The following MYO1H variants were observed in gnomAD, a reference collection of about 807,000 sequenced individuals.
MYO1H encodes unconventional myosin-Ih.
Under a neutral mutation model 149.3 loss-of-function variants are expected in MYO1H, and 118 were observed. The ratio of observed to expected loss-of-function variants is 0.79; its 90% CI spans 0.68 to 0.92. MYO1H has a LOEUF of 0.92. Ranked by LOEUF, MYO1H falls within the 40% of genes least tolerant of loss-of-function variation. The pLI is 0.00. For missense variants in MYO1H, 1,212 were observed against 1,280.7 expected (o/e 0.95, Z 0.82); for synonymous variants, 447 against 465.2 (o/e 0.96, Z 0.50).
At chr12:109,329,011 TAAAATC>T in the MYO1H span, among the ~76,000 whole-genome samples, 3 of 150,616 alleles carry the variant, frequency 2.0e-5, no homozygotes, top group African/African-American at 7.3e-5. Context: ...CCCAGTAAAA[TAAAATC>T]AGTTTTCTTT....
At chr12:109,310,903 A>G in the MYO1H span, among the ~76,000 whole-genome samples, 1 of 152,204 alleles carries the variant, frequency 6.6e-6, no homozygotes, top group Non-Finnish European at 1.5e-5. Context: ...ACCAGCATGT[A>G]TTTAAAATGT....
At chr12:109,356,262 T>C (rs1227000534) in intron 1 of MYO1H, among the ~76,000 whole-genome samples, 1 of 152,238 alleles carries the variant, frequency 6.6e-6, no homozygotes, top group African/African-American at 2.4e-5. Flanking sequence ...CCATTGTCAA[T>C]ATCCAATTTC....
At chr12:109,320,860 C>T in the MYO1H span, among the ~76,000 whole-genome samples, 3 of 151,880 alleles carry the variant, frequency 2.0e-5, no homozygotes, top group Non-Finnish European at 2.9e-5. Context: ...GAGGCCGAGG[C>T]GGGTGGATCA....
At chr12:109,355,551 T>C (rs1868571675) in intron 1 of MYO1H, among the ~76,000 whole-genome samples, 1 of 152,130 alleles carries the variant, frequency 6.6e-6, no homozygotes, top group African/African-American at 2.4e-5. Context: ...GCATGCAGCT[T>C]CCTGAGCCCT....
intron 6 of MYO1H, among the ~76,000 whole-genome samples, chr12:109,402,917 G>A (rs1272662421): frequency 3.3e-5 from 5 of 152,110 alleles, no homozygotes; most frequent in Non-Finnish European, 7.4e-5. Context: ...CTTTATTCCT[G>A]TAGATTTTTT....
At chr12:109,447,187 G>T (rs1168463903) in exon 32 of MYO1H, 1 of 1,595,974 alleles carries the variant, frequency 6.3e-7, no homozygotes, top group East Asian at 2.3e-5. Flanking sequence ...TCCTGATAGA[G>T]GATGACGTCT....
chr12:109,394,937 A>T (rs1365819585), intron 3 of MYO1H, among the ~76,000 whole-genome samples: 1 of 151,918 alleles, frequency 6.6e-6, no homozygotes. Flanking sequence ...AATTTTTGTA[A>T]TTTTTATAGA....
chr12:109,352,265 TGATTTGAAATTC>T (rs1868476990), intron 1 of MYO1H, among the ~76,000 whole-genome samples: 1 of 152,146 alleles, frequency 6.6e-6, no homozygotes, highest in East Asian at 1.9e-4. Flanking sequence ...AAAATGACAA[TGATTTGAAATTC>T]TGCCAGCCCT....
chr12:109,439,436 A>G (rs1054343512), intron 23 of MYO1H, 195 bp from the exon 24 acceptor site: 3 of 481,508 alleles, frequency 6.2e-6, no homozygotes, highest in African/African-American at 5.8e-5. Context: ...AGCTAATTAA[A>G]GCTCCTCAAA....
chr12:109,385,294 C>CT (rs1566022203), intron 1 of MYO1H, among the ~76,000 whole-genome samples: 1 of 136,190 alleles, frequency 7.3e-6, no homozygotes, highest in Non-Finnish European at 1.6e-5. Flanking sequence ...TTCTTTCTTT[C>CT]TTTTCTTTTT....
At chr12:109,407,190 TC>T (rs1485035784) in intron 9 of MYO1H, among the ~76,000 whole-genome samples, 1 of 152,186 alleles carries the variant, frequency 6.6e-6, no homozygotes. Context: ...GGTCACTTCC[TC>T]AAGGAGCCTT....
chr12:109,335,417 T>G, the MYO1H span, among the ~76,000 whole-genome samples: 1 of 152,142 alleles, frequency 6.6e-6, no homozygotes, highest in Admixed American at 6.5e-5. Flanking sequence ...ATTGCTCCCA[T>G]GATTCAACCA....
upstream of MYO1H, among the ~76,000 whole-genome samples, chr12:109,343,613 A>G (rs1451542415): frequency 6.6e-6 from 1 of 152,224 alleles, no homozygotes; most frequent in Non-Finnish European, 1.5e-5. Flanking sequence ...CTTTAACAGA[A>G]TCGAACGATC....
chr12:109,409,485 GGGA>G, intron 10 of MYO1H, 69 bp from the exon 11 acceptor site: 1 of 1,316,832 alleles, frequency 7.6e-7, no homozygotes, highest in Non-Finnish European at 1.1e-6. Context: ...CCCAGTTTAG[GGGA>G]GCAGCAACAG....
chr12:109,370,923 G>C (rs557040464), intron 1 of MYO1H, among the ~76,000 whole-genome samples: 1 of 152,190 alleles, frequency 6.6e-6, no homozygotes, highest in Non-Finnish European at 1.5e-5. Flanking sequence ...TAGAATCACT[G>C]TCAGCTGCAG....
At chr12:109,339,356 C>T in the MYO1H span, among the ~76,000 whole-genome samples, 7 of 152,128 alleles carry the variant, frequency 4.6e-5, no homozygotes, top group East Asian at 1.9e-4. Context: ...GGCAACAGAG[C>T]GAGCCTACTC....
At chr12:109,372,654 A>G (rs1270362907) in intron 1 of MYO1H, among the ~76,000 whole-genome samples, 1 of 152,016 alleles carries the variant, frequency 6.6e-6, no homozygotes, top group Non-Finnish European at 1.5e-5. Context: ...GTCTTAATTT[A>G]TGTCTTAACA....
At chr12:109,442,386 G>A in intron 27 of MYO1H, 114 bp downstream of exon 27, 1 of 812,830 alleles carries the variant, frequency 1.2e-6, no homozygotes, top group South Asian at 1.5e-5. Context: ...CAGCTGGGCA[G>A]CTGGGGCTCT....
chr12:109,356,854 T>C (rs1482500211), intron 1 of MYO1H, among the ~76,000 whole-genome samples: 1 of 152,210 alleles, frequency 6.6e-6, no homozygotes, highest in Non-Finnish European at 1.5e-5. Context: ...ATCCTTCATT[T>C]CAACTGTAGA....
Sources: gnomAD v4.1 joint callset for allele counts (sites outside exome capture counted in the v4.1 genomes callset) on GRCh38, gnomAD v4.1.1 for gene constraint, MANE v1.5 for transcripts, NCBI Gene and HGNC (gene_info 2026-07-23, HGNC 2026-07-21) for gene names.